Variants in SPIDR observed in about 807,000 individuals in gnomAD.
SPIDR encodes the protein DNA repair-scaffolding protein.
In SPIDR, 93 loss-of-function variants were observed where a neutral mutation model predicts 104.6. The observed-to-expected ratio is 0.89, with a 90% CI of 0.75 to 1.06. The LOEUF is 1.06. Among genes scored for constraint, SPIDR ranks in the 50% least tolerant of loss-of-function variants. The pLI, the probability that SPIDR is intolerant of heterozygous loss-of-function variation, is 0.00. For missense variants in SPIDR, 1,154 were observed against 1,111.2 expected (o/e 1.04, Z -0.55); for synonymous variants, 431 against 416.9 (o/e 1.03, Z -0.41).
intron 10 of SPIDR, among the ~76,000 whole-genome samples, chr8:47,647,655 GGAGAGAGA>G (rs1463721076): frequency 4.6e-4 from 23 of 50,230 alleles, no homozygotes; most frequent in African/African-American, 1.6e-3. Context: ...AGAGAGAGAG[GGAGAGAGA>G]GAGAGGGAGA....
At chr8:47,576,872 C>A (rs1003612730) in intron 8 of SPIDR, among the ~76,000 whole-genome samples, 35 of 152,146 alleles carry the variant, frequency 2.3e-4, no homozygotes, top group Non-Finnish European at 4.6e-4. Context: ...GATATTATGG[C>A]TTGTATGTGA....
At position 47,727,268 on chromosome 8, in the gene SPIDR, A is replaced by C. The variant is rs749395544; in HGVS notation, c.2410A>C (p.Arg804=). 8.7e-6 allele frequency: 14 copies of C among 1,613,928 alleles called. No individual in the cohort carries two copies. The East Asian group carries it at 2.9e-4, about 33-fold the overall frequency. ...TGTGTGTGACATGTGTGGCAACGGGAGATTGGAACAGAGGCCGGAAGACAG... is the reference window on the plus strand; with the variant it reads ...TGTGTGTGACATGTGTGGCAACGGGCGATTGGAACAGAGGCCGGAAGACAG... ...WPVCDMCGNG[R]LEQRPEDRGA... is the part of the protein sequence containing the mutation. The change falls in exon 17 of 20, where the codon AGA becomes CGA. Residue 804 remains arginine, a synonymous_variant. Coordinates refer to ENST00000297423, the MANE Select transcript of SPIDR (RefSeq NM_001080394.4).
At chr8:47,511,509 A>G in intron 8 of SPIDR, 1 of 780,544 alleles carries the variant, frequency 1.3e-6, no homozygotes, top group East Asian at 2.4e-5. Context: ...TTCTGTGGAT[A>G]GACTCCAGAA....
At position 47,290,974 on chromosome 8, in the gene SPIDR, A is replaced by G. The variant is rs1292358250; in HGVS notation, c.257-59A>G. The G allele has an allele frequency of 1.1e-5, 14 of 1,302,442 alleles. No homozygotes were observed. In the South Asian group the frequency reaches 1.2e-4, roughly 11 times the overall value. 80.7% of individuals were successfully genotyped at this position (1,302,442 alleles called of 1,614,324 possible). A position where few individuals can be genotyped will look rare whatever the true frequency, so the allele number is the denominator to read the frequency against. ...GGCAAAATTACATGCATAAAATTGT[A>G]TTCTGATAAATGACCATATAAGGAG... On this transcript the variant is annotated intron_variant, in intron 3 of 19. Coordinates refer to ENST00000297423, the MANE Select transcript of SPIDR (RefSeq NM_001080394.4).
chr8:47,443,314 A>G (rs1554698705), intron 8 of SPIDR, among the ~76,000 whole-genome samples: 1 of 152,150 alleles, frequency 6.6e-6, no homozygotes, highest in Non-Finnish European at 1.5e-5. Flanking sequence ...TCACGCCTAT[A>G]ATCCCAGCAG....
chr8:47,673,528 T>C (rs2076049318), intron 10 of SPIDR: 1 of 533,754 alleles, frequency 1.9e-6, no homozygotes, highest in Admixed American at 2.3e-5. Flanking sequence ...TTTAGTTTCA[T>C]GCCTGTGGAT....
intron 8 of SPIDR, among the ~76,000 whole-genome samples, chr8:47,555,676 G>A (rs755935634): frequency 1.3e-5 from 2 of 152,194 alleles, no homozygotes; most frequent in Non-Finnish European, 2.9e-5. Flanking sequence ...ACTGTATGAT[G>A]TGGCTTCTTT....
At chr8:47,504,141 T>C (rs1028951233) in intron 8 of SPIDR, among the ~76,000 whole-genome samples, 51 of 152,302 alleles carry the variant, frequency 3.3e-4, no homozygotes, top group African/African-American at 1.2e-3. Context: ...AGGAGTGTCT[T>C]TGTGGCGTTC....
intron 5 of SPIDR, among the ~76,000 whole-genome samples, chr8:47,374,128 G>A (rs764099724): frequency 6.6e-6 from 1 of 151,906 alleles, no homozygotes; most frequent in Non-Finnish European, 1.5e-5. Context: ...GGACAGATTT[G>A]GAGAAAGTCT....
At chr8:47,657,918 C>T (rs1169781749) in intron 10 of SPIDR, among the ~76,000 whole-genome samples, 1 of 150,696 alleles carries the variant, frequency 6.6e-6, no homozygotes, top group Non-Finnish European at 1.5e-5. Flanking sequence ...TAGTCCCAGC[C>T]GTTTGGGAGA....
chr8:47,271,149 CATA>C (rs1485828213), intron 1 of SPIDR, among the ~76,000 whole-genome samples: 2 of 152,086 alleles, frequency 1.3e-5, no homozygotes, highest in Non-Finnish European at 2.9e-5. Context: ...TTGCTACTTT[CATA>C]GTTTTTTCTC....
chr8:47,627,625 T>C (rs998559462), intron 10 of SPIDR, among the ~76,000 whole-genome samples: 7 of 152,208 alleles, frequency 4.6e-5, no homozygotes, highest in African/African-American at 1.7e-4. Context: ...CTATGTGTTA[T>C]AGAACTAAAT....
At chr8:47,469,080 C>T (rs950895660) in intron 8 of SPIDR, among the ~76,000 whole-genome samples, 1 of 152,042 alleles carries the variant, frequency 6.6e-6, no homozygotes, top group African/African-American at 2.4e-5. Context: ...GGCCAACAAG[C>T]ACATGAAAAA....
intron 3 of SPIDR, among the ~76,000 whole-genome samples, chr8:47,289,372 A>G (rs1281664050): frequency 6.6e-6 from 1 of 152,172 alleles, no homozygotes; most frequent in Non-Finnish European, 1.5e-5. Flanking sequence ...TGTGCTTTGA[A>G]ATATATCAAA....
Position 47,511,549 on chromosome 8 carries a change from C to G in SPIDR, c.1097+71007C>G. 1.1e-5 allele frequency: 9 copies of G among 782,624 alleles called. No homozygotes were observed. The South Asian group carries it at 1.2e-4, about 10-fold the overall frequency. 48.5% of individuals were successfully genotyped at this position (782,624 alleles called of 1,614,324 possible). A position where few individuals can be genotyped will look rare whatever the true frequency, so the allele number is the denominator to read the frequency against. On this transcript the variant is annotated intron_variant, in intron 8 of 19. Coordinates refer to ENST00000297423, the MANE Select transcript of SPIDR (RefSeq NM_001080394.4). ...GGCATCGGATGGGTCTCAGTAGCTT[C>G]TGAGTCCTCCATTATCCAGGCTGAA... is the stretch of plus-strand genomic sequence containing the variant.
chr8:47,266,257 A>G (rs928108477), intron 1 of SPIDR, among the ~76,000 whole-genome samples: 4 of 151,668 alleles, frequency 2.6e-5, no homozygotes, highest in Admixed American at 6.6e-5. Context: ...CAGCCTCCCA[A>G]GTAGCTGGTA....
At chr8:47,304,570 C>G (rs1037838696) in intron 5 of SPIDR, among the ~76,000 whole-genome samples, 1 of 152,124 alleles carries the variant, frequency 6.6e-6, no homozygotes, top group Non-Finnish European at 1.5e-5. Context: ...CTCTTGCTTT[C>G]ACCATGTGAA....
intron 7 of SPIDR, among the ~76,000 whole-genome samples, chr8:47,415,265 A>G (rs2064086618): frequency 6.6e-6 from 1 of 152,170 alleles, no homozygotes; most frequent in Non-Finnish European, 1.5e-5. Context: ...GCAGTTAGAA[A>G]TAATACTGAG....
chr8:47,286,969 C>T (rs1029926059), intron 3 of SPIDR, among the ~76,000 whole-genome samples: 3 of 152,060 alleles, frequency 2.0e-5, no homozygotes, highest in African/African-American at 4.8e-5. Context: ...AATATTTCAA[C>T]GTAGGTTCTT....
Sources: gnomAD v4.1 joint callset for allele counts (sites outside exome capture counted in the v4.1 genomes callset) on GRCh38, gnomAD v4.1.1 for gene constraint, MANE v1.5 for transcripts, NCBI Gene and HGNC (gene_info 2026-07-23, HGNC 2026-07-21) for gene names.